ADAMTS6: variants seen among roughly 807,000 people sequenced by gnomAD.
ADAMTS6 encodes A disintegrin and metalloproteinase with thrombospondin motifs 6.
In ADAMTS6, 23 loss-of-function variants were observed where a neutral mutation model predicts 144.3. That is an observed-to-expected ratio of 0.16 (90% CI 0.11 to 0.23). ADAMTS6 has a LOEUF of 0.23. Ranked by LOEUF, ADAMTS6 falls within the 10% of genes least tolerant of loss-of-function variation. The probability of loss-of-function intolerance (pLI) is 1.00; values close to 1 mark genes in which losing one functional copy is unlikely to be tolerated. For missense variants in ADAMTS6, 999 were observed against 1,379.6 expected, an observed-to-expected ratio of 0.72 and a Z score of 4.37; for synonymous variants, 444 against 457.5, an observed-to-expected ratio of 0.97 and a Z score of 0.38.
At chr5:65,172,190 G>C (rs988968118) in intron 23 of ADAMTS6, among the ~76,000 whole-genome samples, 1 of 150,976 alleles carries the variant, frequency 6.6e-6, no homozygotes, top group Non-Finnish European at 1.5e-5. Flanking sequence ...CGAGGCGGGC[G>C]GATCACGAGG....
chr5:65,403,465 C>T (rs1341713248), intron 7 of ADAMTS6, among the ~76,000 whole-genome samples: 2 of 152,096 alleles, frequency 1.3e-5, no homozygotes. Flanking sequence ...CAAGAATTCT[C>T]GATCTTCCCC....
chr5:65,438,532 T>C (rs1173408653), intron 7 of ADAMTS6, among the ~76,000 whole-genome samples: 1 of 152,034 alleles, frequency 6.6e-6, no homozygotes, highest in Non-Finnish European at 1.5e-5. Flanking sequence ...ATCTTATACA[T>C]ACATACATAC....
intron 20 of ADAMTS6, among the ~76,000 whole-genome samples, chr5:65,207,193 T>C (rs190432143): frequency 6.6e-6 from 1 of 152,306 alleles, no homozygotes; most frequent in East Asian, 1.9e-4. Context: ...AAGCAATGTT[T>C]GGCAGAGAGA....
intron 3 of ADAMTS6, among the ~76,000 whole-genome samples, chr5:65,462,659 AT>A (rs1580766332): frequency 6.6e-6 from 1 of 152,092 alleles, no homozygotes; most frequent in African/African-American, 2.4e-5. Flanking sequence ...GTATTTATTT[AT>A]TTTTTCACAA....
chr5:65,318,695 G>C (rs1006210970), intron 9 of ADAMTS6, among the ~76,000 whole-genome samples: 1 of 152,024 alleles, frequency 6.6e-6, no homozygotes, highest in Non-Finnish European at 1.5e-5. Flanking sequence ...TTGAACTTAT[G>C]GACATAGAGA....
chr5:65,189,029 G>A (rs747146473), intron 21 of ADAMTS6, among the ~76,000 whole-genome samples: 2 of 152,172 alleles, frequency 1.3e-5, no homozygotes, highest in Non-Finnish European at 2.9e-5. Context: ...GGCAAGAGCA[G>A]AGCTCTGAGC....
At chr5:65,400,699 G>T (rs1329039693) in intron 7 of ADAMTS6, among the ~76,000 whole-genome samples, 1 of 151,968 alleles carries the variant, frequency 6.6e-6, no homozygotes, top group African/African-American at 2.4e-5. Context: ...CATCTTTGTA[G>T]TTTTCCCACA....
chr5:65,238,377 T>A (rs544876627), intron 15 of ADAMTS6, among the ~76,000 whole-genome samples: 3 of 152,212 alleles, frequency 2.0e-5, no homozygotes, highest in African/African-American at 7.2e-5. Context: ...TCGAGTCATG[T>A]GGATCACTTG....
intron 7 of ADAMTS6, among the ~76,000 whole-genome samples, chr5:65,424,934 A>T (rs77723214): frequency 6.6e-6 from 1 of 152,146 alleles, no homozygotes; most frequent in African/African-American, 2.4e-5. Context: ...TCCGCTGTAT[A>T]ATTTTTTACT....
intron 10 of ADAMTS6, among the ~76,000 whole-genome samples, chr5:65,296,516 AG>A (rs1489640523): frequency 6.6e-6 from 1 of 152,198 alleles, no homozygotes; most frequent in African/African-American, 2.4e-5. Context: ...GATAAACAGA[AG>A]GAGGAGAAAC....
intron 7 of ADAMTS6, among the ~76,000 whole-genome samples, chr5:65,450,240 GC>G (rs1485298178): frequency 6.6e-6 from 1 of 152,064 alleles, no homozygotes; most frequent in African/African-American, 2.4e-5. Context: ...ATTTTATTCA[GC>G]AAGCATGTCA....
At chr5:65,388,480 A>G (rs980424628) in intron 7 of ADAMTS6, among the ~76,000 whole-genome samples, 2 of 152,108 alleles carry the variant, frequency 1.3e-5, no homozygotes, top group African/African-American at 4.8e-5. Context: ...AAAGAGCATG[A>G]TTTTTGGAGC....
chr5:65,435,705 A>C (rs1246353991), intron 7 of ADAMTS6, among the ~76,000 whole-genome samples: 1 of 151,774 alleles, frequency 6.6e-6, no homozygotes, highest in Non-Finnish European at 1.5e-5. Context: ...GGCTCACTGC[A>C]ACCTCCGCCT....
chr5:65,360,193 C>T (rs962404317), intron 7 of ADAMTS6, among the ~76,000 whole-genome samples: 1 of 151,986 alleles, frequency 6.6e-6, no homozygotes, highest in Non-Finnish European at 1.5e-5. Context: ...AGAAGGCAAA[C>T]GGGGAGTGAG....
At chr5:65,370,144 T>G (rs1413365832) in intron 7 of ADAMTS6, among the ~76,000 whole-genome samples, 1 of 152,162 alleles carries the variant, frequency 6.6e-6, no homozygotes. Flanking sequence ...GCACGGTGGC[T>G]CACGCCTGTA....
At chr5:65,437,667 T>A (rs1757548185) in intron 7 of ADAMTS6, among the ~76,000 whole-genome samples, 2 of 152,220 alleles carry the variant, frequency 1.3e-5, no homozygotes, top group Admixed American at 1.3e-4. Flanking sequence ...CAGTCTGATA[T>A]AAAAGAGTAT....
chr5:65,219,468 G>A (rs926736508), intron 18 of ADAMTS6, among the ~76,000 whole-genome samples: 17 of 152,152 alleles, frequency 1.1e-4, no homozygotes, highest in African/African-American at 3.4e-4. Flanking sequence ...AAAGACAGAC[G>A]TACCTACATA....
intron 7 of ADAMTS6, among the ~76,000 whole-genome samples, chr5:65,420,938 C>A (rs1217814826): frequency 6.6e-6 from 1 of 152,098 alleles, no homozygotes; most frequent in Non-Finnish European, 1.5e-5. Flanking sequence ...TACTCCTTTA[C>A]CTCGAGTCTG....
intron 2 of ADAMTS6, among the ~76,000 whole-genome samples, chr5:65,472,168 G>A (rs1159999410): frequency 6.6e-6 from 1 of 152,144 alleles, no homozygotes; most frequent in Non-Finnish European, 1.5e-5. Flanking sequence ...AAAACATTAA[G>A]TAAAAGAGCA....
Sources: allele counts gnomAD v4.1 joint callset (sites outside exome capture counted in the v4.1 genomes callset), GRCh38; gene constraint gnomAD v4.1.1; transcripts MANE v1.5; gene names NCBI Gene and HGNC (gene_info 2026-07-23, HGNC 2026-07-21).